Variants in CNTNAP2 observed in about 807,000 individuals in gnomAD.
CNTNAP2 encodes the protein contactin associated protein 2, also known as contactin-associated protein-like 2.
In CNTNAP2, 98 loss-of-function variants were observed where a neutral mutation model predicts 155.2. The ratio of observed to expected loss-of-function variants is 0.63; its 90% CI spans 0.54 to 0.75. The LOEUF is 0.75. Among genes scored for constraint, CNTNAP2 ranks in the 30% least tolerant of loss-of-function variants. CNTNAP2 has a pLI of 0.00. For synonymous variants in CNTNAP2, 651 were observed against 631.2 expected (o/e 1.03, Z -0.47); for missense variants, 1,727 against 1,688.1 (o/e 1.02, Z -0.40).
intron 16 of CNTNAP2, among the ~76,000 whole-genome samples, chr7:148,139,533 C>CT (rs1009984142): frequency 5.9e-5 from 9 of 151,850 alleles, no homozygotes; most frequent in African/African-American, 1.9e-4. Flanking sequence ...TCACATACTT[C>CT]TTTTTTTTGA....
At chr7:147,302,360 G>A (rs1267619541) in intron 9 of CNTNAP2, among the ~76,000 whole-genome samples, 1 of 152,164 alleles carries the variant, frequency 6.6e-6, no homozygotes, top group Non-Finnish European at 1.5e-5. Context: ...CACATTCATG[G>A]CATAGAGTTT....
chr7:146,458,587 C>T (rs1796591596), intron 1 of CNTNAP2, among the ~76,000 whole-genome samples: 1 of 152,128 alleles, frequency 6.6e-6, no homozygotes, highest in African/African-American at 2.4e-5. Flanking sequence ...CATATACATA[C>T]ATACAAATAT....
chr7:147,379,671 T>C (rs1177934765), intron 9 of CNTNAP2, among the ~76,000 whole-genome samples: 4 of 152,124 alleles, frequency 2.6e-5, no homozygotes, highest in Non-Finnish European at 4.4e-5. Flanking sequence ...ACAAATTTCC[T>C]TGTCATCCCT....
intron 14 of CNTNAP2, among the ~76,000 whole-genome samples, chr7:147,919,459 C>CTTTCTTTCTTTTTTTT (rs58537091): frequency 0.011 from 566 of 51,226 alleles, 89 homozygotes; most frequent in African/African-American, 0.056. Flanking sequence ...CTTTTTCTTT[C>CTTTCTTTCTTTTTTTT]TTTTTTTTTT....
At chr7:146,184,933 T>C (rs1798601275) in intron 1 of CNTNAP2, among the ~76,000 whole-genome samples, 1 of 152,202 alleles carries the variant, frequency 6.6e-6, no homozygotes, top group Non-Finnish European at 1.5e-5. Flanking sequence ...ACTATCTCTC[T>C]TTCCCTCCAT....
chr7:147,928,829 G>A (rs1409001474), intron 14 of CNTNAP2, among the ~76,000 whole-genome samples: 1 of 151,938 alleles, frequency 6.6e-6, no homozygotes, highest in Non-Finnish European at 1.5e-5. Flanking sequence ...GGTGGCTCAC[G>A]CCTGTAATCC....
intron 13 of CNTNAP2, among the ~76,000 whole-genome samples, chr7:147,670,308 T>C (rs2116964958): frequency 6.6e-6 from 1 of 152,208 alleles, no homozygotes; most frequent in East Asian, 1.9e-4. Context: ...TCGCCAGGGA[T>C]GTGAATGCCC....
At chr7:146,735,012 C>T (rs1237056744) in intron 1 of CNTNAP2, among the ~76,000 whole-genome samples, 3 of 152,052 alleles carry the variant, frequency 2.0e-5, no homozygotes, top group Non-Finnish European at 4.4e-5. Flanking sequence ...ACCATGAAAT[C>T]TAAATTTTGA....
chr7:147,759,153 G>A (rs929064270), intron 13 of CNTNAP2, among the ~76,000 whole-genome samples: 6 of 152,038 alleles, frequency 3.9e-5, no homozygotes, highest in African/African-American at 7.2e-5. Context: ...CCTCCCATGC[G>A]TAAACCTTTC....
intron 1 of CNTNAP2, among the ~76,000 whole-genome samples, chr7:146,638,417 A>G (rs1008752434): frequency 6.6e-6 from 1 of 151,054 alleles, no homozygotes; most frequent in Admixed American, 6.6e-5. Flanking sequence ...ATATTAAAAT[A>G]TGCAGATCTT....
At chr7:148,212,717 T>C (rs977435120) in intron 18 of CNTNAP2, among the ~76,000 whole-genome samples, 2 of 152,188 alleles carry the variant, frequency 1.3e-5, no homozygotes, top group Non-Finnish European at 2.9e-5. Context: ...TGCTTTCTTT[T>C]AGAATATCTT....
chr7:147,521,449 T>C (rs967041063), intron 11 of CNTNAP2, among the ~76,000 whole-genome samples: 1 of 152,282 alleles, frequency 6.6e-6, no homozygotes, highest in Admixed American at 6.5e-5. Flanking sequence ...CTACCTACAG[T>C]CTAGGCATAC....
chr7:147,237,575 T>A (rs1196582202), intron 8 of CNTNAP2, among the ~76,000 whole-genome samples: 1 of 152,232 alleles, frequency 6.6e-6, no homozygotes, highest in Non-Finnish European at 1.5e-5. Context: ...TGAATGCCTG[T>A]GTTTATAATG....
At chr7:146,816,608 G>A (rs769075868) in intron 2 of CNTNAP2, among the ~76,000 whole-genome samples, 3 of 152,198 alleles carry the variant, frequency 2.0e-5, no homozygotes, top group Non-Finnish European at 4.4e-5. Context: ...CCTAAGGAAA[G>A]TATAGAGTTA....
intron 11 of CNTNAP2, among the ~76,000 whole-genome samples, chr7:147,492,928 T>G (rs978858236): frequency 6.6e-6 from 1 of 152,240 alleles, no homozygotes; most frequent in Non-Finnish European, 1.5e-5. Flanking sequence ...TAAACTTAAG[T>G]TTCCTTTTGA....
chr7:146,376,866 C>CT (rs1272822014), intron 1 of CNTNAP2, among the ~76,000 whole-genome samples: 1 of 152,208 alleles, frequency 6.6e-6, no homozygotes, highest in East Asian at 1.9e-4. Context: ...GCCCTTCTGC[C>CT]TTTTCCACCA....
At position 147,280,031 on chromosome 7, in the gene CNTNAP2, C is replaced by G. The variant is rs539252112; in HGVS notation, c.1349-20110C>G. Among the ~76,000 whole-genome samples, 10 of 152,024 alleles carry G rather than the reference C, an allele frequency of 6.6e-5. No homozygotes were observed. In the South Asian group the frequency reaches 1.9e-3, roughly 28 times the overall value. ...TGATCTTACAGTGACTTACAATGGA[C>G]TCTTTCTGCCTTTTGTATAGTACAA... On this transcript the variant is annotated intron_variant, in intron 8 of 23. Coordinates refer to ENST00000361727, the MANE Select transcript of CNTNAP2 (RefSeq NM_014141.6).
At chr7:148,084,709 A>G (rs746552280) in intron 15 of CNTNAP2, among the ~76,000 whole-genome samples, 27 of 152,206 alleles carry the variant, frequency 1.8e-4, no homozygotes, top group Non-Finnish European at 2.8e-4. Flanking sequence ...TTTACATGCT[A>G]ATCATTTGGG....
intron 15 of CNTNAP2, among the ~76,000 whole-genome samples, chr7:148,103,114 A>G (rs1585126711): frequency 6.6e-6 from 1 of 152,222 alleles, no homozygotes; most frequent in Admixed American, 6.5e-5. Context: ...GGAGGCAAAC[A>G]GGTATGCGTT....
Sources: gnomAD v4.1 joint callset for allele counts (sites outside exome capture counted in the v4.1 genomes callset) on GRCh38, gnomAD v4.1.1 for gene constraint, MANE v1.5 for transcripts, NCBI Gene and HGNC (gene_info 2026-07-23, HGNC 2026-07-21) for gene names.